Variants in OR8D1 observed in about 807,000 individuals in gnomAD.
OR8D1 encodes olfactory receptor 8D1.
For missense variants in OR8D1, 384 were observed against 366.8 expected (o/e 1.05, Z -0.38); for synonymous variants, 143 against 147.0 (o/e 0.97, Z 0.20).
chr11:124,306,449 A>G lies in OR8D1; in HGVS notation c.*3391T>C, dbSNP rs534183681. ...CAGTGAAACTTCTGCATACTTTTCT[A>G]TGGGATATTAATCTTTTTTGTATTA... On this transcript the variant is annotated 3_prime_UTR_variant, in exon 3 of 3. Coordinates refer to ENST00000641015, the MANE Select transcript of OR8D1 (RefSeq NM_001002917.2). 3.6e-4 allele frequency: 54 copies of G among 149,910 alleles called. 1 individual carries two copies. Among genetic ancestry groups the G allele is most frequent in the Non-Finnish European group, 6.2e-4 (42 of 67,504 alleles). The allele number at this position is 149,910 out of a possible 1,614,324, so 9.3% of individuals were successfully genotyped here. A position where few individuals can be genotyped will look rare whatever the true frequency, so the allele number is the denominator to read the frequency against.
chr11:124,306,606 C>G lies in OR8D1; in HGVS notation c.*3234G>C, dbSNP rs1862370922. The G allele has an allele frequency of 2.6e-5, 4 of 151,710 alleles. No individual in the cohort carries two copies. Among genetic ancestry groups the G allele is most frequent in the Admixed American group, 6.6e-5 (1 of 15,202 alleles). The allele number at this position is 151,710 out of a possible 1,614,324, so 9.4% of individuals were successfully genotyped here. ...AGTGTGCTGATGAGGGTTTTTTCAG[C>G]AGAAAAAGGATTTTGTGTCACTTTT... On this transcript the variant is annotated 3_prime_UTR_variant, in exon 3 of 3. Coordinates refer to ENST00000641015, the MANE Select transcript of OR8D1 (RefSeq NM_001002917.2).
chr11:124,309,814 C>A lies in OR8D1; in HGVS notation c.*26G>T. 1 of 1,303,758 alleles carries A rather than the reference C, an allele frequency of 7.7e-7. No individual in the cohort carries two copies. Among genetic ancestry groups the A allele is most frequent in the South Asian group, 2.4e-5 (1 of 40,994 alleles). 80.8% of individuals were successfully genotyped at this position (1,303,758 alleles called of 1,614,324 possible). The stretch of plus-strand genomic sequence containing the variant: ...GTTCATTGGAACTATTCATTTTTCC[C>A]ATCTATAAATCCCCCAAATCAGGAC... On this transcript the variant is annotated 3_prime_UTR_variant, in exon 3 of 3. Transcript: ENST00000641015.
In OR8D1 at chr11:124,306,110, T is replaced by C. The variant is rs1163049294; in HGVS notation, c.*3730A>G. On this transcript the variant is annotated 3_prime_UTR_variant, in exon 3 of 3. Coordinates refer to ENST00000641015, the MANE Select transcript of OR8D1 (RefSeq NM_001002917.2). ...ATATTTATAGCTCTGCCTTTGACAA[T>C]GTCACTTTTATTTCTTAAGTATGCA... is the stretch of plus-strand genomic sequence containing the variant. 1 of 151,822 alleles carries C rather than the reference T, an allele frequency of 6.6e-6. No homozygotes were observed. The highest frequency in any genetic ancestry group is 1.5e-5 in the Non-Finnish European group (1 of 67,842). 9.4% of individuals were successfully genotyped at this position (151,822 alleles called of 1,614,324 possible).
Position 124,307,029 on chromosome 11 carries a change from A to C in OR8D1, c.*2811T>G, listed in dbSNP as rs1419224688. On this transcript the variant is annotated 3_prime_UTR_variant, in exon 3 of 3. Transcript: ENST00000641015. ...ATTCTACCTCTACTAATAGAGACCTACAGGGATCCAGCATTTTCTATGGTT... is the reference window on the plus strand; with the variant it reads ...ATTCTACCTCTACTAATAGAGACCTCCAGGGATCCAGCATTTTCTATGGTT... 6.6e-6 allele frequency: 1 copy of C among 152,092 alleles called. No individual in the cohort carries two copies. Among genetic ancestry groups the C allele is most frequent in the Non-Finnish European group, 1.5e-5 (1 of 67,990 alleles). The allele number at this position is 152,092 out of a possible 1,614,324, so 9.4% of individuals were successfully genotyped here.
chr11:124,310,478 A>G lies in OR8D1; in HGVS notation c.289T>C (p.Cys97Arg). ...GKKNTILYSECMVQLFFFVVF... is the reference protein window; with the variant it reads ...GKKNTILYSERMVQLFFFVVF... ...ACAAAGAAAAAGAGCTGGACCATGC[A>G]CTCAGAGTAAAGGATTGTATTCTTC... The change falls in exon 3 of 3, where the codon TGC (cysteine) becomes CGC (arginine). Residue 97 changes from cysteine (C) to arginine (R), a missense_variant. Coordinates refer to ENST00000641015, the MANE Select transcript of OR8D1 (RefSeq NM_001002917.2). 4 of 1,613,762 alleles carry G rather than the reference A, an allele frequency of 2.5e-6. No homozygotes were observed. Among genetic ancestry groups the G allele is most frequent in the Non-Finnish European group, 3.4e-6 (4 of 1,179,904 alleles).
rs779895430 is a variant in OR8D1 at position 124,310,402 on chromosome 11, C to G, written c.365G>C (p.Arg122Pro). The change falls in exon 3 of 3, where the codon CGC (arginine) becomes CCC (proline). Residue 122 changes from arginine (R) to proline (P), a missense_variant. Coordinates refer to ENST00000641015, the MANE Select transcript of OR8D1 (RefSeq NM_001002917.2). ...GYLLTAMAYD[R>P]YVAICSPLLY... is the part of the protein sequence containing the mutation. Reference sequence around the variant, plus strand: ...CAGTGGGCTACAGATGGCAACATAGCGATCATATGCCATGGCAGTCAGGAG... The same window carrying G: ...CAGTGGGCTACAGATGGCAACATAGGGATCATATGCCATGGCAGTCAGGAG... 1.9e-6 allele frequency: 3 copies of G among 1,613,298 alleles called. No homozygotes were observed. In the East Asian group the frequency reaches 6.7e-5, roughly 36 times the overall value.
At position 124,310,565 on chromosome 11, in the gene OR8D1, A is replaced by AGGACAAGCTGCTGAG. The variant is rs1211721223; in HGVS notation, c.187_201dup (p.Leu63_Ser67dup). On this transcript the variant is annotated inframe_insertion, in exon 3 of 3. Transcript: ENST00000641015. ...ACAGAGGAATAGCAGAAATCGACGA[A>AGGACAAGCTGCTGAG]GGACAAGCTGCTGAGGAAATAGTAC... is the stretch of plus-strand genomic sequence containing the variant. 4 of 1,613,768 alleles carry AGGACAAGCTGCTGAG rather than the reference A, an allele frequency of 2.5e-6. No homozygotes were observed. The highest frequency in any genetic ancestry group is 2.5e-6 in the Non-Finnish European group (3 of 1,179,896).
rs1349942816 is a variant in OR8D1, at chr11:124,307,417, A to T, written c.*2423T>A. 6.6e-6 allele frequency: 1 copy of T among 152,156 alleles called. No individual in the cohort carries two copies. The highest frequency in any genetic ancestry group is 2.4e-5 in the African/African-American group (1 of 41,438). The allele number at this position is 152,156 out of a possible 1,614,324, so 9.4% of individuals were successfully genotyped here. On this transcript the variant is annotated 3_prime_UTR_variant, in exon 3 of 3. Transcript: ENST00000641015. ...AGAGTTGTTTACAAATAAGTGAATA[A>T]CTTTAGAAGAGCACAGATTCATTCC...
At chr11:124,312,303 G>C (rs920876992) in intron 1 of OR8D1, among the ~76,000 whole-genome samples, 1 of 152,060 alleles carries the variant, frequency 6.6e-6, no homozygotes, top group Admixed American at 6.6e-5. Flanking sequence ...ATTTGGTGCT[G>C]GTTAGGTTTT....
intron 1 of OR8D1, among the ~76,000 whole-genome samples, chr11:124,312,587 G>A (rs974046822): frequency 3.4e-5 from 5 of 147,660 alleles, no homozygotes; most frequent in East Asian, 4.0e-4. Context: ...GCGCCATCTC[G>A]GCTCATTGCA....
In OR8D1 at chr11:124,302,862, A is replaced by G. The variant is rs896504989; in HGVS notation, c.*6978T>C. 2 of 152,124 alleles carry G rather than the reference A, an allele frequency of 1.3e-5. No homozygotes were observed. The highest frequency in any genetic ancestry group is 2.4e-5 in the African/African-American group (1 of 41,444). 9.4% of individuals were successfully genotyped at this position (152,124 alleles called of 1,614,324 possible). A position where few individuals can be genotyped will look rare whatever the true frequency, so the allele number is the denominator to read the frequency against. On this transcript the variant is annotated 3_prime_UTR_variant, in exon 3 of 3. Coordinates refer to ENST00000641015, the MANE Select transcript of OR8D1 (RefSeq NM_001002917.2). The stretch of plus-strand genomic sequence containing the variant: ...CTTATCTTACTCTCATAACGGTTTT[A>G]TAAGAAAGGAAGAATTGGAGTAGTG...
chr11:124,310,934 A>G, intron 2 of OR8D1, 152 bp from the exon 3 acceptor site: 3 of 558,980 alleles, frequency 5.4e-6, no homozygotes, highest in East Asian at 2.8e-5. Flanking sequence ...TTGTCTCCCT[A>G]AAGTTCCCTG....
In OR8D1 at chr11:124,310,214, G is replaced by C. The variant is rs926775910; in HGVS notation, c.553C>G (p.Leu185Val). 3.1e-6 allele frequency: 5 copies of C among 1,613,670 alleles called. No individual in the cohort carries two copies. The African/African-American group carries it at 6.7e-5, about 22-fold the overall frequency. The stretch of plus-strand genomic sequence containing the variant: ...TGTGTGTTGGAGCAGGAGAGATTGA[G>C]GAGGGGAAGAACATCACAGAAGTAA... ...NHYFCDVLPL[L>V]NLSCSNTHLN... Residue 185 changes from leucine to valine, a missense_variant, in exon 3 of 3, where the codon CTC becomes GTC. Physicochemically the swap from Leu to Val is conservative, Grantham distance 32. Coordinates refer to ENST00000641015, the MANE Select transcript of OR8D1 (RefSeq NM_001002917.2).
chr11:124,309,072 G>A lies in OR8D1; in HGVS notation c.*768C>T, dbSNP rs1565330707. On this transcript the variant is annotated 3_prime_UTR_variant, in exon 3 of 3. Coordinates refer to ENST00000641015, the MANE Select transcript of OR8D1 (RefSeq NM_001002917.2). ...GGACAGTTCTCCAACTGAAACAAAT[G>A]TGGGGGTTATATCTTCCCTATGAGG... is the stretch of plus-strand genomic sequence containing the variant. 6.6e-6 allele frequency: 1 copy of A among 152,074 alleles called. No individual in the cohort carries two copies. The highest frequency in any genetic ancestry group is 2.4e-5 in the African/African-American group (1 of 41,420). 9.4% of individuals were successfully genotyped at this position (152,074 alleles called of 1,614,324 possible). A position where few individuals can be genotyped will look rare whatever the true frequency, so the allele number is the denominator to read the frequency against.
At position 124,305,936 on chromosome 11, in the gene OR8D1, A is replaced by G. The variant is rs1425478410; in HGVS notation, c.*3904T>C. On this transcript the variant is annotated 3_prime_UTR_variant, in exon 3 of 3. Coordinates refer to ENST00000641015, the MANE Select transcript of OR8D1 (RefSeq NM_001002917.2). ...TTTATCATGCCCGTCTTCTTAACTT[A>G]CTATATACTTTGCATATTGTCCCTG... 1 of 151,972 alleles carries G rather than the reference A, an allele frequency of 6.6e-6. No homozygotes were observed. The highest frequency in any genetic ancestry group is 1.5e-5 in the Non-Finnish European group (1 of 67,884). The allele number at this position is 151,972 out of a possible 1,614,324, so 9.4% of individuals were successfully genotyped here. A position where few individuals can be genotyped will look rare whatever the true frequency, so the allele number is the denominator to read the frequency against.
In OR8D1 at chr11:124,310,505, T is replaced by C. The variant is rs1862411718; in HGVS notation, c.262A>G (p.Lys88Glu). 1 of 1,613,684 alleles carries C rather than the reference T, an allele frequency of 6.2e-7. No homozygotes were observed. The highest frequency in any genetic ancestry group is 1.3e-5 in the African/African-American group (1 of 74,916). Reference protein sequence around the residue: ...TPKMLVNFLGKKNTILYSECM... With the variant: ...TPKMLVNFLGEKNTILYSECM... ...TCAGAGTAAAGGATTGTATTCTTCT[T>C]TCCTAGGAAGTTCACCAGCATTTTG... The change falls in exon 3 of 3, where the codon AAG becomes GAG. Residue 88 changes from lysine to glutamate, a missense_variant. By Grantham distance (56) the Lys-to-Glu change is moderately conservative. Coordinates refer to ENST00000641015, the MANE Select transcript of OR8D1 (RefSeq NM_001002917.2).
Position 124,309,836 on chromosome 11 carries a change from G to A in OR8D1, c.*4C>T. 2 of 1,418,206 alleles carry A rather than the reference G, an allele frequency of 1.4e-6. No individual in the cohort carries two copies. Among genetic ancestry groups the A allele is most frequent in the Non-Finnish European group, 1.9e-6 (2 of 1,077,218 alleles). The allele number at this position is 1,418,206 out of a possible 1,614,324, so 87.9% of individuals were successfully genotyped here. A position where few individuals can be genotyped will look rare whatever the true frequency, so the allele number is the denominator to read the frequency against. On this transcript the variant is annotated 3_prime_UTR_variant, in exon 3 of 3. Transcript: ENST00000641015. The stretch of plus-strand genomic sequence containing the variant: ...TCCCATCTATAAATCCCCCAAATCA[G>A]GACTCATTTTCCTACTAAGACCTTC...
rs2137786946 is a variant in OR8D1 at position 124,304,095 on chromosome 11, T to C, written c.*5745A>G. 6.6e-6 allele frequency: 1 copy of C among 152,162 alleles called. No individual in the cohort carries two copies. Among genetic ancestry groups the C allele is most frequent in the Admixed American group, 6.6e-5 (1 of 15,266 alleles). 9.4% of individuals were successfully genotyped at this position (152,162 alleles called of 1,614,324 possible). A position where few individuals can be genotyped will look rare whatever the true frequency, so the allele number is the denominator to read the frequency against. On this transcript the variant is annotated 3_prime_UTR_variant, in exon 3 of 3. Coordinates refer to ENST00000641015, the MANE Select transcript of OR8D1 (RefSeq NM_001002917.2). Reference sequence around the variant, plus strand: ...TCCTTATGGTCTGTGAACTCTAAACTATTTGTTATCTGGTTTTTTAGAGAA... The same window carrying C: ...TCCTTATGGTCTGTGAACTCTAAACCATTTGTTATCTGGTTTTTTAGAGAA...
Position 124,307,247 on chromosome 11 carries a change from C to T in OR8D1, c.*2593G>A, listed in dbSNP as rs1242884991. The T allele has an allele frequency of 6.6e-6, 1 of 152,016 alleles. No homozygotes were observed. The highest frequency in any genetic ancestry group is 1.5e-5 in the Non-Finnish European group (1 of 67,990). 9.4% of individuals were successfully genotyped at this position (152,016 alleles called of 1,614,324 possible). Reference sequence around the variant, plus strand: ...CCATGAGGAGAGAGGATTTTGACCTCAGGAGCATGCAGTGACATTTATTTT... The same window carrying T: ...CCATGAGGAGAGAGGATTTTGACCTTAGGAGCATGCAGTGACATTTATTTT... On this transcript the variant is annotated 3_prime_UTR_variant, in exon 3 of 3. Coordinates refer to ENST00000641015, the MANE Select transcript of OR8D1 (RefSeq NM_001002917.2).
Sources: gnomAD v4.1 joint callset for allele counts (sites outside exome capture counted in the v4.1 genomes callset) on GRCh38, gnomAD v4.1.1 for gene constraint, MANE v1.5 for transcripts, NCBI Gene and HGNC (gene_info 2026-07-23, HGNC 2026-07-21) for gene names.